The following OXCT1 variants were observed in gnomAD, a reference collection of about 807,000 sequenced individuals.
OXCT1 encodes the protein 3-oxoacid CoA-transferase 1, also known as succinyl-CoA:3-ketoacid coenzyme A transferase 1, mitochondrial.
In OXCT1, 27 loss-of-function variants were observed where a neutral mutation model predicts 69.6. The observed-to-expected ratio is 0.39, with a 90% CI of 0.29 to 0.54. The LOEUF is 0.54. Ranked by LOEUF, OXCT1 falls within the 20% of genes least tolerant of loss-of-function variation. The pLI is 0.72. For missense variants in OXCT1, 437 were observed against 650.2 expected (o/e 0.67, Z 3.57); for synonymous variants, 202 against 217.8 (o/e 0.93, Z 0.64).
chr5:41,846,703 C>T (rs1164454676), intron 5 of OXCT1, among the ~76,000 whole-genome samples: 1 of 152,220 alleles, frequency 6.6e-6, no homozygotes, highest in African/African-American at 2.4e-5. Context: ...TGAGGAATCG[C>T]CACACTGACT....
At chr5:41,821,231 A>C (rs909738897) in intron 7 of OXCT1, among the ~76,000 whole-genome samples, 5 of 152,204 alleles carry the variant, frequency 3.3e-5, no homozygotes, top group Admixed American at 2.0e-4. Context: ...TTTTATCTAC[A>C]CAGGGACACA....
intron 13 of OXCT1, among the ~76,000 whole-genome samples, chr5:41,776,827 T>C (rs532803481): frequency 6.6e-6 from 1 of 152,296 alleles, no homozygotes; most frequent in South Asian, 2.1e-4. Context: ...GATAAGCCTA[T>C]CTTGCTGCTA....
chr5:41,791,211 T>A (rs1745899325), intron 13 of OXCT1, among the ~76,000 whole-genome samples: 2 of 152,146 alleles, frequency 1.3e-5, no homozygotes. Context: ...TAGGAAATGA[T>A]TATCAGTTAT....
intron 1 of OXCT1, among the ~76,000 whole-genome samples, chr5:41,864,712 T>A (rs1749884776): frequency 6.6e-6 from 1 of 152,162 alleles, no homozygotes; most frequent in Non-Finnish European, 1.5e-5. Flanking sequence ...GATCCAAGGT[T>A]TTATTTGGCC....
At chr5:41,841,832 A>G (rs1257504432) in intron 6 of OXCT1, among the ~76,000 whole-genome samples, 1 of 152,252 alleles carries the variant, frequency 6.6e-6, no homozygotes, top group East Asian at 1.9e-4. Flanking sequence ...AAGAAATCAA[A>G]GAGCATTAAT....
chr5:41,730,463 T>A lies in OXCT1; in HGVS notation c.*1266A>T, dbSNP rs958750765. ...GACCATCATCACCTAAAAACATGAA[T>A]AAGTTTGTATATTTAGGACCAGAGG... is the stretch of plus-strand genomic sequence containing the variant. On this transcript the variant is annotated 3_prime_UTR_variant, in exon 17 of 17. Coordinates refer to ENST00000196371, the MANE Select transcript of OXCT1 (RefSeq NM_000436.4). The A allele has an allele frequency of 6.6e-6, 1 of 152,168 alleles. No homozygotes were observed. The highest frequency in any genetic ancestry group is 6.5e-5 in the Admixed American group (1 of 15,276). The allele number at this position is 152,168 out of a possible 1,614,324, so 9.4% of individuals were successfully genotyped here. A position where few individuals can be genotyped will look rare whatever the true frequency, so the allele number is the denominator to read the frequency against.
intron 11 of OXCT1, among the ~76,000 whole-genome samples, chr5:41,797,917 AG>A: frequency 6.6e-6 from 1 of 152,342 alleles, no homozygotes; most frequent in East Asian, 1.9e-4. Flanking sequence ...CTATACAGCA[AG>A]ACAGATGAAC....
chr5:41,749,431 C>A (rs1463875983), intron 15 of OXCT1, 96 bp downstream of exon 15: 12 of 732,374 alleles, frequency 1.6e-5, no homozygotes, highest in Middle Eastern at 3.3e-4. Flanking sequence ...CTAAATTAAT[C>A]CTATGACTAC....
chr5:41,870,378 A>C lies in OXCT1; in HGVS notation c.-20T>G. 1 of 1,604,496 alleles carries C rather than the reference A, an allele frequency of 6.2e-7. No homozygotes were observed. Among genetic ancestry groups the C allele is most frequent in the South Asian group, 1.1e-5 (1 of 90,674 alleles). ...CGCCATCTTCGGGCGGTGAGGCAGGAGGAGGCTGCGGGTTGGAGCGCGCGT... is the reference window on the plus strand; with the variant it reads ...CGCCATCTTCGGGCGGTGAGGCAGGCGGAGGCTGCGGGTTGGAGCGCGCGT... On this transcript the variant is annotated 5_prime_UTR_variant, in exon 1 of 17. Transcript: ENST00000196371. The surrounding 1 kb of genome is among the most constrained non-coding windows in gnomAD (Gnocchi z 4.2).
At chr5:41,802,928 T>G in intron 10 of OXCT1, 141 bp downstream of exon 10, 1 of 663,082 alleles carries the variant, frequency 1.5e-6, no homozygotes. Flanking sequence ...GGTTTCAGCA[T>G]TATACAATTT....
intron 1 of OXCT1, among the ~76,000 whole-genome samples, chr5:41,863,416 A>C (rs1267478130): frequency 1.3e-5 from 2 of 152,114 alleles, no homozygotes; most frequent in Admixed American, 1.3e-4. Flanking sequence ...TATTCCTCCT[A>C]AATAAAATTA....
chr5:41,739,491 C>A lies in OXCT1; in HGVS notation c.1420G>T (p.Ala474Ser). The A allele has an allele frequency of 6.2e-7, 1 of 1,602,518 alleles. No homozygotes were observed. The highest frequency in any genetic ancestry group is 8.6e-7 in the Non-Finnish European group (1 of 1,169,494). The change falls in exon 16 of 17, where the codon GCT becomes TCT. Residue 474 changes from alanine (A) to serine (S), a missense_variant and splice_region_variant. By Grantham distance (99) the Ala-to-Ser change is moderately conservative. Coordinates refer to ENST00000196371, the MANE Select transcript of OXCT1 (RefSeq NM_000436.4). ...TTCTTCTTGTCCACATCAAACACAGCCTGTCAGAGTGGGAAGAAAAAGGAC... is the reference window on the plus strand; with the variant it reads ...TTCTTCTTGTCCACATCAAACACAGACTGTCAGAGTGGGAAGAAAAAGGAC... The part of the protein sequence containing the change: ...QCVNRIITEK[A>S]VFDVDKKKGL...
chr5:41,816,278 G>A (rs1020737231), intron 7 of OXCT1, among the ~76,000 whole-genome samples: 4 of 151,808 alleles, frequency 2.6e-5, no homozygotes, highest in Admixed American at 2.0e-4. Flanking sequence ...ATTTATATGA[G>A]GTAGATATAA....
Position 41,853,485 on chromosome 5 carries a change from C to A in OXCT1, c.348G>T (p.Val116=). The A allele has an allele frequency of 6.2e-7, 1 of 1,613,554 alleles. No homozygotes were observed. Among genetic ancestry groups the A allele is most frequent in the Non-Finnish European group, 8.5e-7 (1 of 1,179,602 alleles). ...GTCGTTCAAATTCTGCATTTTCTCC[C>A]ACATATGAAGAGACCATGCGTTTTA... ...KQIKRMVSSY[V]GENAEFERQY... is the part of the protein sequence containing the mutation. Residue 116 remains valine, a synonymous_variant, in exon 4 of 17, where the codon GTG becomes GTT. Transcript: ENST00000196371.
chr5:41,821,704 A>G (rs1483150829), intron 7 of OXCT1, among the ~76,000 whole-genome samples: 1 of 152,174 alleles, frequency 6.6e-6, no homozygotes, highest in Non-Finnish European at 1.5e-5. Context: ...GATGTTGAGC[A>G]TCTTCTCATA....
In OXCT1 at chr5:41,801,134, T is replaced by C. The variant is rs375902443; in HGVS notation, c.1051-64A>G. The C allele has an allele frequency of 5.1e-4, 633 of 1,236,464 alleles. 1 individual carries two copies. The highest frequency in any genetic ancestry group is 7.0e-4 in the Non-Finnish European group (590 of 837,750). 76.6% of individuals were successfully genotyped at this position (1,236,464 alleles called of 1,614,324 possible). ...TTCTCACTGAATCACATATTAGAAC[T>C]ATAATATAAATAACTTCCCTAAAAA... On this transcript the variant is annotated intron_variant, in intron 10 of 16. Coordinates refer to ENST00000196371, the MANE Select transcript of OXCT1 (RefSeq NM_000436.4).
chr5:41,817,727 A>G (rs1747320571), intron 7 of OXCT1, among the ~76,000 whole-genome samples: 1 of 152,246 alleles, frequency 6.6e-6, no homozygotes, highest in South Asian at 2.1e-4. Flanking sequence ...GGTAACTACC[A>G]TATGGCTTAT....
At chr5:41,777,773 C>T (rs1281806071) in intron 13 of OXCT1, among the ~76,000 whole-genome samples, 1 of 152,126 alleles carries the variant, frequency 6.6e-6, no homozygotes, top group Admixed American at 6.5e-5. Context: ...AACTGAAAGC[C>T]ATGATTTATA....
chr5:41,742,277 G>GCA (rs1743206746), intron 15 of OXCT1, among the ~76,000 whole-genome samples: 5 of 152,158 alleles, frequency 3.3e-5, no homozygotes, highest in Non-Finnish European at 5.9e-5. Context: ...TCCATTTAGT[G>GCA]ATATAAGGTG....
Sources: gnomAD v4.1 joint callset for allele counts (sites outside exome capture counted in the v4.1 genomes callset) on GRCh38, gnomAD v4.1.1 for gene constraint, Gnocchi (gnomAD v3.1) non-coding constraint, MANE v1.5 for transcripts, NCBI Gene and HGNC (gene_info 2026-07-23, HGNC 2026-07-21) for gene names.